FMN1: variants seen among roughly 807,000 people sequenced by gnomAD.
FMN1 encodes formin-1.
A neutral mutation model predicts 132.4 loss-of-function variants in FMN1; 110 were observed. The observed-to-expected ratio is 0.83, with a 90% CI of 0.71 to 0.97. The LOEUF is 0.97. FMN1 is among the 50% of genes least tolerant of loss of function. The pLI is 0.00. For missense variants in FMN1, 1,792 were observed against 1,705.3 expected, an observed-to-expected ratio of 1.05 and a Z score of -0.90; for synonymous variants, 722 against 651.7, an observed-to-expected ratio of 1.11 and a Z score of -1.64.
intron 2 of FMN1, among the ~76,000 whole-genome samples, chr15:33,193,013 T>G (rs1033826605): frequency 6.6e-6 from 1 of 152,208 alleles, no homozygotes. Flanking sequence ...GTTTATGAGT[T>G]TAGCCATTAC....
In FMN1 at chr15:33,154,670, T is replaced by C; in HGVS notation, c.245A>G (p.Asp82Gly). ...DIFFKQTPTK[D>G]ILTELYKLTT... ...GAGTTTGTACAGCTCAGTTAGAATG[T>C]CTTTCGTGGGAGTCTGCTTGAAAAA... The change falls in exon 4 of 21, where the codon GAC (aspartate) becomes GGC (glycine). Residue 82 changes from aspartate to glycine, a missense_variant. By Grantham distance (94) the Asp-to-Gly change is moderately conservative. Around this residue, in one of 3 missense-constraint regions of FMN1, gnomAD observed 638 missense variants for 645.2 expected, o/e 0.99. Coordinates refer to ENST00000616417, the MANE Select transcript of FMN1 (RefSeq NM_001277313.2). 6.5e-7 allele frequency: 1 copy of C among 1,536,126 alleles called. No individual in the cohort carries two copies. Among genetic ancestry groups the C allele is most frequent in the Non-Finnish European group, 8.7e-7 (1 of 1,146,914 alleles).
At chr15:32,969,824 A>G (rs757734373) in intron 7 of FMN1, among the ~76,000 whole-genome samples, 1 of 152,194 alleles carries the variant, frequency 6.6e-6, no homozygotes, top group Non-Finnish European at 1.5e-5. Flanking sequence ...TTGAATATCT[A>G]TCTGTTTTAC....
intron 17 of FMN1, among the ~76,000 whole-genome samples, chr15:32,824,114 T>C (rs181149733): frequency 1.3e-5 from 2 of 152,378 alleles, no homozygotes; most frequent in Non-Finnish European, 2.9e-5. Context: ...GATAGTGTAA[T>C]GTACCCCCCG....
At chr15:33,157,249 G>A (rs1964708254) in intron 3 of FMN1, among the ~76,000 whole-genome samples, 3 of 139,346 alleles carry the variant, frequency 2.2e-5, no homozygotes, top group South Asian at 4.8e-4. Context: ...TGGTGACAGA[G>A]TGAGACTCCA....
chr15:33,106,912 TCA>T (rs1210241191), intron 4 of FMN1, among the ~76,000 whole-genome samples: 3 of 152,052 alleles, frequency 2.0e-5, no homozygotes, highest in Non-Finnish European at 2.9e-5. Flanking sequence ...GTCATCTCAT[TCA>T]GTCTCAGTTT....
In FMN1 at chr15:32,810,900, A is replaced by T. The variant is rs1426883685; in HGVS notation, c.3929-6568T>A. Reference sequence around the variant, plus strand: ...TAAACCAACAGGACGCACAGTTAAGAAGTTGTTTTTATTACAGCTCTACAA... The same window carrying T: ...TAAACCAACAGGACGCACAGTTAAGTAGTTGTTTTTATTACAGCTCTACAA... On this transcript the variant is annotated intron_variant, in intron 17 of 20. Transcript: ENST00000616417. 28 of 453,432 alleles carry T rather than the reference A, an allele frequency of 6.2e-5. No individual in the cohort carries two copies. In the Admixed American group the frequency reaches 6.6e-4, roughly 11 times the overall value. 28.1% of individuals were successfully genotyped at this position (453,432 alleles called of 1,614,324 possible). A position where few individuals can be genotyped will look rare whatever the true frequency, so the allele number is the denominator to read the frequency against.
At chr15:33,105,429 C>T (rs891263569) in intron 4 of FMN1, among the ~76,000 whole-genome samples, 18 of 152,100 alleles carry the variant, frequency 1.2e-4, no homozygotes, top group African/African-American at 4.3e-4. Flanking sequence ...GATAATTTAG[C>T]AGAAGACTCC....
intron 18 of FMN1, 85 bp from the exon 19 acceptor site, chr15:32,799,038 G>A (rs569073640): frequency 6.1e-6 from 7 of 1,153,044 alleles, no homozygotes; most frequent in African/African-American, 3.1e-5. Context: ...GATGCTGGGG[G>A]CAGTTTCTCT....
chr15:32,986,789 C>T (rs1353401067), intron 7 of FMN1, among the ~76,000 whole-genome samples: 1 of 152,048 alleles, frequency 6.6e-6, no homozygotes, highest in Admixed American at 6.6e-5. Flanking sequence ...CATTCTTTTC[C>T]TCCCCCACCT....
intron 4 of FMN1, among the ~76,000 whole-genome samples, 155 bp downstream of exon 4, chr15:33,152,893 G>A (rs1302634073): frequency 6.6e-6 from 1 of 150,910 alleles, no homozygotes; most frequent in South Asian, 2.1e-4. Flanking sequence ...TCCACACCCC[G>A]CTGTTCCACT....
In FMN1 at chr15:32,950,042, TATATATATACAC is replaced by T. The variant is rs1467882636; in HGVS notation, c.3138+14053_3138+14064del. On this transcript the variant is annotated intron_variant, in intron 9 of 20. Coordinates refer to ENST00000616417, the MANE Select transcript of FMN1 (RefSeq NM_001277313.2). Reference sequence around the variant, plus strand: ...ACATATATATATATATACACATATATATATATATACACATATATATATATATATATATATATA... The same window carrying T: ...ACATATATATATATATACACATATATATATATATATATATATATATATATA... Among the ~76,000 whole-genome samples, 8 of 6,732 alleles carry T rather than the reference TATATATATACAC, an allele frequency of 1.2e-3. 2 individuals are homozygous for T. Among genetic ancestry groups the T allele is most frequent in the East Asian group, 0.014 (2 of 146 alleles). 4.4% of individuals were successfully genotyped at this position (6,732 alleles called of 152,430 possible).
At chr15:33,072,558 TC>T (rs2038039756) in intron 5 of FMN1, among the ~76,000 whole-genome samples, 1 of 152,206 alleles carries the variant, frequency 6.6e-6, no homozygotes, top group Non-Finnish European at 1.5e-5. Context: ...ATTCTTCATT[TC>T]TCCCATCTCA....
At chr15:33,031,764 C>T (rs2035948277) in intron 6 of FMN1, among the ~76,000 whole-genome samples, 1 of 152,204 alleles carries the variant, frequency 6.6e-6, no homozygotes, top group Admixed American at 6.5e-5. Context: ...CACATATTCC[C>T]ACTGACTGCA....
intron 4 of FMN1, among the ~76,000 whole-genome samples, chr15:33,099,825 C>A (rs2039227251): frequency 6.6e-6 from 1 of 152,130 alleles, no homozygotes; most frequent in Non-Finnish European, 1.5e-5. Flanking sequence ...GTATGAGTTA[C>A]CATTTCTGCA....
intron 4 of FMN1, among the ~76,000 whole-genome samples, chr15:33,123,460 G>T (rs890536747): frequency 3.3e-5 from 5 of 152,056 alleles, no homozygotes; most frequent in African/African-American, 1.2e-4. Context: ...CACTATCTGT[G>T]GCAATAGTTC....
intron 4 of FMN1, among the ~76,000 whole-genome samples, chr15:33,127,799 C>T (rs1304298780): frequency 2.0e-5 from 3 of 152,214 alleles, no homozygotes; most frequent in African/African-American, 4.8e-5. Flanking sequence ...CATCTTGCCA[C>T]ACATCCAAGA....
chr15:32,912,055 TAAGAA>T (rs982381459), intron 10 of FMN1, among the ~76,000 whole-genome samples: 3 of 152,180 alleles, frequency 2.0e-5, no homozygotes, highest in African/African-American at 7.2e-5. Context: ...CATGAGCGCA[TAAGAA>T]AAGGTCAAAT....
At chr15:32,962,550 C>G (rs1030979120) in intron 9 of FMN1, among the ~76,000 whole-genome samples, 1 of 150,986 alleles carries the variant, frequency 6.6e-6, no homozygotes, top group Non-Finnish European at 1.5e-5. Context: ...TTAGAGTGAA[C>G]AGGCAACCTA....
At chr15:33,040,782 C>T (rs1474233488) in intron 6 of FMN1, among the ~76,000 whole-genome samples, 3 of 152,156 alleles carry the variant, frequency 2.0e-5, no homozygotes. Context: ...TTCACTTCTA[C>T]TTATCTTGAA....
Sources: gnomAD v4.1 joint callset for allele counts (sites outside exome capture counted in the v4.1 genomes callset) on GRCh38, gnomAD v4.1.1 for gene constraint, gnomAD v4.1.1 regional missense constraint, MANE v1.5 for transcripts, NCBI Gene and HGNC (gene_info 2026-07-23, HGNC 2026-07-21) for gene names.